The following CENPP variants were observed in gnomAD, a reference collection of about 807,000 sequenced individuals.
CENPP encodes the protein centromere protein P.
In CENPP, 24 loss-of-function variants were observed where a neutral mutation model predicts 35.6. The ratio of observed to expected loss-of-function variants is 0.67; its 90% CI spans 0.49 to 0.95. The LOEUF is 0.95. CENPP is among the 40% of genes least tolerant of loss of function. The probability of loss-of-function intolerance (pLI) is 0.00; values close to 1 mark genes in which losing one functional copy is unlikely to be tolerated. For missense variants in CENPP, 332 were observed against 345.3 expected (o/e 0.96, Z 0.31); for synonymous variants, 120 against 125.5 (o/e 0.96, Z 0.29).
At chr9:92,494,252 G>T in intron 5 of CENPP, 2 of 1,159,362 alleles carry the variant, frequency 1.7e-6, no homozygotes, top group Non-Finnish European at 2.4e-6. Flanking sequence ...TTCAGTTTGA[G>T]CCCCCTTTAA....
chr9:92,600,280 T>TC (rs1850877305), intron 5 of CENPP: 1 of 1,432,190 alleles, frequency 7.0e-7, no homozygotes, highest in Non-Finnish European at 9.1e-7. Flanking sequence ...GCCCTGGCTC[T>TC]CTTCCTGTCC....
At chr9:92,387,806 C>T (rs969148486) in intron 5 of CENPP, among the ~76,000 whole-genome samples, 2 of 152,048 alleles carry the variant, frequency 1.3e-5, no homozygotes, top group East Asian at 1.9e-4. Context: ...CTCTGTTGCC[C>T]AGGCTGTAGT....
chr9:92,499,286 C>T (rs1279408424), intron 5 of CENPP, among the ~76,000 whole-genome samples: 1 of 152,190 alleles, frequency 6.6e-6, no homozygotes, highest in Non-Finnish European at 1.5e-5. Flanking sequence ...TTCTTACTCC[C>T]ACTGGTGGTT....
intron 5 of CENPP, among the ~76,000 whole-genome samples, chr9:92,454,673 G>A (rs1428990853): frequency 6.6e-6 from 1 of 151,958 alleles, no homozygotes; most frequent in African/African-American, 2.4e-5. Context: ...GGTTTACAAA[G>A]CATTGCATAT....
chr9:92,375,754 T>A (rs549998540), intron 4 of CENPP, among the ~76,000 whole-genome samples: 89 of 152,318 alleles, frequency 5.8e-4, no homozygotes, highest in Non-Finnish European at 1.2e-3. Context: ...CTTTGTTCTC[T>A]TGATTTTCTT....
chr9:92,529,418 A>G (rs936109623), intron 5 of CENPP, among the ~76,000 whole-genome samples: 4 of 152,304 alleles, frequency 2.6e-5, no homozygotes, highest in African/African-American at 7.2e-5. Context: ...AAAACTTAAC[A>G]TACTGTTGCC....
At chr9:92,349,690 C>A (rs1368415040) in intron 4 of CENPP, among the ~76,000 whole-genome samples, 5 of 152,120 alleles carry the variant, frequency 3.3e-5, no homozygotes, top group Admixed American at 6.5e-5. Flanking sequence ...GCGTGAGCCA[C>A]CACGCCTGGC....
At chr9:92,429,536 C>G (rs1190684500) in intron 5 of CENPP, among the ~76,000 whole-genome samples, 1 of 152,104 alleles carries the variant, frequency 6.6e-6, no homozygotes, top group Non-Finnish European at 1.5e-5. Context: ...CCTGTAATCC[C>G]AGGACCTTGG....
chr9:92,426,461 G>A (rs1382208178), intron 5 of CENPP, among the ~76,000 whole-genome samples: 1 of 152,086 alleles, frequency 6.6e-6, no homozygotes, highest in Non-Finnish European at 1.5e-5. Context: ...AGATGCTTGG[G>A]ACTCAGCAGT....
chr9:92,501,822 T>C (rs1255046236), intron 5 of CENPP, among the ~76,000 whole-genome samples: 2 of 152,186 alleles, frequency 1.3e-5, no homozygotes, highest in African/African-American at 2.4e-5. Flanking sequence ...CAGATCCCAG[T>C]TGTCTGCTGG....
At chr9:92,355,637 C>T (rs1300778485) in intron 4 of CENPP, among the ~76,000 whole-genome samples, 1 of 152,152 alleles carries the variant, frequency 6.6e-6, no homozygotes, top group African/African-American at 2.4e-5. Context: ...TTTGCTATAG[C>T]TTCTACTCTT....
chr9:92,483,263 CTG>C (rs957879668), intron 5 of CENPP, among the ~76,000 whole-genome samples: 3 of 150,624 alleles, frequency 2.0e-5, no homozygotes, highest in Non-Finnish European at 4.4e-5. Flanking sequence ...GAGTCTCACT[CTG>C]TCACCCAGGC....
intron 5 of CENPP, chr9:92,517,975 C>T: frequency 7.4e-7 from 1 of 1,356,834 alleles, no homozygotes; most frequent in Non-Finnish European, 1.0e-6. Flanking sequence ...TCTAACCACA[C>T]AAGAATAGAA....
chr9:92,424,323 G>C (rs1308833894), intron 5 of CENPP: 1 of 152,168 alleles, frequency 6.6e-6, no homozygotes, highest in African/African-American at 2.4e-5. Context: ...TGTCCAGACA[G>C]GGCTGTCTCT....
intron 5 of CENPP, among the ~76,000 whole-genome samples, chr9:92,492,661 C>T (rs1039789847): frequency 1.3e-5 from 2 of 152,134 alleles, no homozygotes; most frequent in African/African-American, 4.8e-5. Flanking sequence ...GAGCATCAGC[C>T]GCCCAGGTTC....
At chr9:92,551,847 G>A (rs2131327164) in intron 5 of CENPP, among the ~76,000 whole-genome samples, 1 of 148,680 alleles carries the variant, frequency 6.7e-6, no homozygotes, top group Admixed American at 6.7e-5. Flanking sequence ...CATGGTGTGT[G>A]TATATATATA....
intron 5 of CENPP, among the ~76,000 whole-genome samples, chr9:92,446,966 T>C (rs931825099): frequency 1.3e-5 from 2 of 151,632 alleles, no homozygotes; most frequent in African/African-American, 2.4e-5. Flanking sequence ...ATCAGCACTT[T>C]AGGTAAGATA....
intron 5 of CENPP, chr9:92,404,554 A>G (rs762122029): frequency 6.9e-6 from 9 of 1,297,950 alleles, no homozygotes; most frequent in Admixed American, 2.4e-5. Context: ...ATGTCTGTGC[A>G]TTAGCCCCAA....
chr9:92,421,719 G>T (rs1442107537), intron 5 of CENPP, among the ~76,000 whole-genome samples: 1 of 152,228 alleles, frequency 6.6e-6, no homozygotes, highest in Non-Finnish European at 1.5e-5. Context: ...ACTATGCTAA[G>T]TTGGTGGAGA....
Sources: allele counts gnomAD v4.1 joint callset (sites outside exome capture counted in the v4.1 genomes callset), GRCh38; gene constraint gnomAD v4.1.1; transcripts MANE v1.5; gene names NCBI Gene and HGNC (gene_info 2026-07-23, HGNC 2026-07-21).